The following HPF1 variants were observed in gnomAD, a reference collection of about 807,000 sequenced individuals.
HPF1 encodes the protein UPF0609 protein C4orf27.
Under a neutral mutation model 38.8 loss-of-function variants are expected in HPF1, and 35 were observed. The ratio of observed to expected loss-of-function variants is 0.90; its 90% CI spans 0.69 to 1.19. The LOEUF is 1.19. Ranked by LOEUF, HPF1 falls within the 50% of genes most tolerant of loss-of-function variation. The pLI, the probability that HPF1 is intolerant of heterozygous loss-of-function variation, is 0.00. For missense variants in HPF1, 367 were observed against 405.8 expected, an observed-to-expected ratio of 0.90 and a Z score of 0.82; for synonymous variants, 115 against 139.2, an observed-to-expected ratio of 0.83 and a Z score of 1.22.
In HPF1 at chr4:169,742,069, T is replaced by C; in HGVS notation, c.536A>G (p.Lys179Arg). ...LTKKLREITD[K>R]KKINLLKNID... ...GTTTTTCAAGAGATTGATTTTCTTT[T>C]TATCCGTTATTTCTCTAAGTTTTTT... Residue 179 changes from lysine to arginine, a missense_variant, in exon 5 of 8, where the codon AAA becomes AGA. Transcript: ENST00000393381. 1 of 1,611,412 alleles carries C rather than the reference T, an allele frequency of 6.2e-7. No homozygotes were observed. Among genetic ancestry groups the C allele is most frequent in the Non-Finnish European group, 8.5e-7 (1 of 1,177,868 alleles).
chr4:169,747,557 G>C (rs777802117), intron 4 of HPF1, among the ~76,000 whole-genome samples: 2 of 152,158 alleles, frequency 1.3e-5, no homozygotes, highest in Non-Finnish European at 2.9e-5. Context: ...GATAAAGTTT[G>C]CTTTCTTCAT....
chr4:169,746,501 A>G (rs1454112724), intron 4 of HPF1, among the ~76,000 whole-genome samples: 2 of 152,100 alleles, frequency 1.3e-5, no homozygotes, highest in Non-Finnish European at 2.9e-5. Context: ...CCTAACCATC[A>G]TTGGTTATTA....
At chr4:169,733,559 C>T (rs1159720143) in intron 6 of HPF1, among the ~76,000 whole-genome samples, 2 of 152,146 alleles carry the variant, frequency 1.3e-5, no homozygotes, top group African/African-American at 2.4e-5. Flanking sequence ...TGAGGCACAA[C>T]GTTCTGATGA....
chr4:169,732,728 G>C (rs1355809110), intron 6 of HPF1, among the ~76,000 whole-genome samples: 1 of 152,140 alleles, frequency 6.6e-6, no homozygotes, highest in Non-Finnish European at 1.5e-5. Flanking sequence ...CTGTATCTGA[G>C]GGTTCTACAT....
intron 4 of HPF1, among the ~76,000 whole-genome samples, chr4:169,743,977 C>T (rs1302263662): frequency 6.6e-6 from 1 of 152,076 alleles, no homozygotes; most frequent in African/African-American, 2.4e-5. Flanking sequence ...GATTAAAATG[C>T]CACAGAAACC....
At chr4:169,757,400 AT>A (rs1372236844) in intron 1 of HPF1, among the ~76,000 whole-genome samples, 1 of 152,150 alleles carries the variant, frequency 6.6e-6, no homozygotes, top group Admixed American at 6.5e-5. Flanking sequence ...CACCAGCGTT[AT>A]AATCCCAAAC....
intron 2 of HPF1, among the ~76,000 whole-genome samples, chr4:169,753,377 G>C (rs1734143893): frequency 6.6e-6 from 1 of 152,188 alleles, no homozygotes; most frequent in South Asian, 2.1e-4. Flanking sequence ...CTGTCACTGA[G>C]GCTGGAGTGA....
Position 169,729,580 on chromosome 4 carries a change from A to T in HPF1, c.1039T>A (p.Ter347ArgextTer5), listed in dbSNP as rs201211357. Reference sequence around the variant, plus strand: ...TACACCAATCAAAGCCACCTTACTCATGCAGCAAGTTGGTCTATGTTCTCT... The same window carrying T: ...TACACCAATCAAAGCCACCTTACTCTTGCAGCAAGTTGGTCTATGTTCTCT... ...SQENIDQLAA[*>R] is the part of the protein sequence containing the mutation. Residue 347 changes from the stop codon to arginine, a stop_lost, in exon 8 of 8, where the codon TGA (stop) becomes AGA (arginine). Transcript: ENST00000393381. 33 of 1,528,618 alleles carry T rather than the reference A, an allele frequency of 2.2e-5. No homozygotes were observed. The highest frequency in any genetic ancestry group is 4.0e-5 in the South Asian group (3 of 75,634). The allele number at this position is 1,528,618 out of a possible 1,614,324, so 94.7% of individuals were successfully genotyped here.
chr4:169,742,930 G>A (rs1733994363), intron 4 of HPF1, among the ~76,000 whole-genome samples: 1 of 151,610 alleles, frequency 6.6e-6, no homozygotes, highest in African/African-American at 2.4e-5. Context: ...GTGAAACCCT[G>A]TCTCCACCAA....
At chr4:169,742,559 A>G (rs541552938) in intron 4 of HPF1, among the ~76,000 whole-genome samples, 98 of 152,298 alleles carry the variant, frequency 6.4e-4, no homozygotes, top group Middle Eastern at 6.8e-3. Context: ...TTGGGAGGCC[A>G]AGGCGGGCGG....
intron 1 of HPF1, among the ~76,000 whole-genome samples, chr4:169,755,882 G>A (rs1734183282): frequency 6.6e-6 from 1 of 151,864 alleles, no homozygotes; most frequent in African/African-American, 2.4e-5. Flanking sequence ...GTCTGTTTCA[G>A]CTTTGGGATT....
At chr4:169,755,702 T>C (rs1254604743) in intron 1 of HPF1, among the ~76,000 whole-genome samples, 1 of 152,252 alleles carries the variant, frequency 6.6e-6, no homozygotes, top group Admixed American at 6.5e-5. Flanking sequence ...ATAGCCTTTT[T>C]ATGAAGTTCA....
chr4:169,755,701 T>C (rs1734180174), intron 1 of HPF1, among the ~76,000 whole-genome samples: 1 of 152,376 alleles, frequency 6.6e-6, no homozygotes, highest in South Asian at 2.1e-4. Context: ...GATAGCCTTT[T>C]TATGAAGTTC....
chr4:169,739,316 T>C (rs1581315692), intron 5 of HPF1, among the ~76,000 whole-genome samples: 1 of 152,188 alleles, frequency 6.6e-6, no homozygotes, highest in East Asian at 1.9e-4. Context: ...TTAATGTCTT[T>C]AAACTATAAG....
Position 169,747,110 on chromosome 4 carries a change from G to T in HPF1, c.497+1634C>A, listed in dbSNP as rs368924899. Among the ~76,000 whole-genome samples the T allele has an allele frequency of 3.3e-5, 5 of 149,802 alleles. No individual in the cohort carries two copies. The East Asian group carries it at 7.8e-4, about 23-fold the overall frequency. ...AAAATTAGGTGTTTTTACATGCCAA[G>T]GTATTTATAGAATTAATATTTATGG... On this transcript the variant is annotated intron_variant, in intron 4 of 7. Coordinates refer to ENST00000393381, the MANE Select transcript of HPF1 (RefSeq NM_017867.3).
At chr4:169,746,992 T>TAAAA (rs759955706) in intron 4 of HPF1, among the ~76,000 whole-genome samples, 34 of 142,756 alleles carry the variant, frequency 2.4e-4, no homozygotes, top group Middle Eastern at 3.6e-3. Flanking sequence ...TATCTTTTTT[T>TAAAA]AAAAAAAAAA....
At chr4:169,737,948 C>A (rs956285141) in intron 5 of HPF1, among the ~76,000 whole-genome samples, 12 of 152,022 alleles carry the variant, frequency 7.9e-5, no homozygotes, top group Non-Finnish European at 1.8e-4. Flanking sequence ...TTGAAGTAAT[C>A]ACAGAACAGT....
chr4:169,737,750 A>T lies in HPF1; in HGVS notation c.649-3T>A. The T allele has an allele frequency of 6.3e-7, 1 of 1,595,056 alleles. No homozygotes were observed. The highest frequency in any genetic ancestry group is 8.6e-7 in the Non-Finnish European group (1 of 1,162,926). On this transcript the variant is annotated splice_region_variant and splice_polypyrimidine_tract_variant and intron_variant, in intron 5 of 7. Transcript: ENST00000393381. ...CCATGAAAGGTCTTTGTCACAACCT[A>T]CATTAAAGAAAAGAATAAAATGTAA...
intron 3 of HPF1, 51 bp from the exon 4 acceptor site, chr4:169,748,893 C>T (rs1000926485): frequency 2.4e-6 from 2 of 829,862 alleles, no homozygotes; most frequent in Non-Finnish European, 3.9e-6. Flanking sequence ...TTTATATTAT[C>T]AGGCAAGTGG....
Sources: gnomAD v4.1 joint callset for allele counts (sites outside exome capture counted in the v4.1 genomes callset) on GRCh38, gnomAD v4.1.1 for gene constraint, MANE v1.5 for transcripts, NCBI Gene and HGNC (gene_info 2026-07-23, HGNC 2026-07-21) for gene names.